The following SLC23A2 variants were observed in gnomAD, a reference collection of about 807,000 sequenced individuals.
SLC23A2 encodes the protein Na(+)/L-ascorbic acid transporter 2.
In SLC23A2, 36 loss-of-function variants were observed where a neutral mutation model predicts 73.3. The observed-to-expected ratio is 0.49, with a 90% CI of 0.38 to 0.65. The LOEUF is 0.65. Among genes scored for constraint, SLC23A2 ranks in the 30% least tolerant of loss-of-function variants. The pLI is 0.00. For synonymous variants in SLC23A2, 343 were observed against 327.3 expected (o/e 1.05, Z -0.52); for missense variants, 507 against 841.6 (o/e 0.60, Z 4.92).
At chr20:4,917,996 A>T (rs942916287) in intron 3 of SLC23A2, among the ~76,000 whole-genome samples, 1 of 152,250 alleles carries the variant, frequency 6.6e-6, no homozygotes, top group Non-Finnish European at 1.5e-5. Context: ...GCAAAATTTA[A>T]TTTTAAAAAT....
intron 2 of SLC23A2, among the ~76,000 whole-genome samples, chr20:4,937,141 G>A (rs901705780): frequency 2.6e-5 from 4 of 152,174 alleles, no homozygotes; most frequent in African/African-American, 4.8e-5. Flanking sequence ...GCGACAACCC[G>A]AGATCAGAGG....
chr20:5,006,789 C>T (rs2088196668), intron 1 of SLC23A2, among the ~76,000 whole-genome samples: 1 of 152,064 alleles, frequency 6.6e-6, no homozygotes, highest in African/African-American at 2.4e-5. Context: ...GAACCACCTG[C>T]CTTGGCCTCC....
At chr20:4,980,433 T>C (rs770228801) in intron 1 of SLC23A2, among the ~76,000 whole-genome samples, 33 of 152,306 alleles carry the variant, frequency 2.2e-4, no homozygotes, top group African/African-American at 7.2e-4. Context: ...CTAAGATACA[T>C]TGCTAAGTAA....
chr20:5,009,919 C>T (rs940457727), intron 1 of SLC23A2, among the ~76,000 whole-genome samples: 7 of 151,948 alleles, frequency 4.6e-5, no homozygotes, highest in African/African-American at 1.7e-4. Context: ...CGTGGTGAAA[C>T]CCCGTCTCTA....
chr20:4,942,893 C>T (rs1293701061), intron 2 of SLC23A2, among the ~76,000 whole-genome samples: 2 of 152,036 alleles, frequency 1.3e-5, no homozygotes, highest in African/African-American at 4.8e-5. Context: ...GAATTAATCA[C>T]TAATAGTCTG....
intron 3 of SLC23A2, among the ~76,000 whole-genome samples, chr20:4,931,168 C>T (rs1163908379): frequency 6.6e-6 from 1 of 150,484 alleles, no homozygotes; most frequent in African/African-American, 2.4e-5. Context: ...ATAAGGAGAC[C>T]CTGTCTCTAC....
In SLC23A2 at chr20:4,947,924, T is replaced by G. The variant is rs1168524583; in HGVS notation, c.-154-15208A>C. 6.6e-6 allele frequency among the ~76,000 whole-genome samples: 1 copy of G among 152,120 alleles called. No homozygotes were observed. The highest frequency in any genetic ancestry group is 1.5e-5 in the Non-Finnish European group (1 of 68,012). ...CCAGATGCCTTTTGTCATTTGATGC[T>G]CCCCCTGGCTCACCCAATACAAAAA... On this transcript the variant is annotated intron_variant, in intron 2 of 16. Transcript: ENST00000338244. The surrounding 1 kb of genome is among the most constrained non-coding windows in gnomAD (Gnocchi z 4.4).
chr20:4,996,699 A>C (rs11087666), intron 1 of SLC23A2, among the ~76,000 whole-genome samples: 43,261 of 141,766 alleles, frequency 0.31, 7,701 homozygotes, highest in Non-Finnish European at 0.38. Context: ...AAAAAAAAAA[A>C]AAAAAAAAAA....
At chr20:4,934,839 G>A (rs2086935939) in intron 2 of SLC23A2, among the ~76,000 whole-genome samples, 1 of 151,638 alleles carries the variant, frequency 6.6e-6, no homozygotes, top group Non-Finnish European at 1.5e-5. Context: ...CTCCAGCCTG[G>A]GCAAAAGAGT....
chr20:4,907,877 A>C (rs1932012279), intron 4 of SLC23A2, among the ~76,000 whole-genome samples: 1 of 152,190 alleles, frequency 6.6e-6, no homozygotes, highest in Admixed American at 6.5e-5. Context: ...TAAAATTCAA[A>C]CAGACATTTA....
rs973128066 is a variant in SLC23A2, at chr20:4,852,427, C to T, written c.*4545G>A. The T allele has an allele frequency of 1.3e-5, 2 of 152,568 alleles. No homozygotes were observed. The highest frequency in any genetic ancestry group is 4.8e-5 in the African/African-American group (2 of 41,434). The allele number at this position is 152,568 out of a possible 1,614,324, so 9.5% of individuals were successfully genotyped here. A position where few individuals can be genotyped will look rare whatever the true frequency, so the allele number is the denominator to read the frequency against. On this transcript the variant is annotated 3_prime_UTR_variant, in exon 17 of 17. Transcript: ENST00000338244. This position sits in a 1 kb window ranked among gnomAD's most constrained non-coding sequence, Gnocchi z 4.3. ...ACAGAATAAAATAGCTTTATCTCTA[C>T]TATTATTCACAACATCTGGTCCAAA... is the stretch of plus-strand genomic sequence containing the variant.
In SLC23A2 at chr20:4,911,964, G is replaced by A. The variant is rs151197211; in HGVS notation, c.207+916C>T. Reference sequence around the variant, plus strand: ...GCTCAAGCAATTCTCCTGCCCCTGAGTAGCTGCTACTATAGGCACACATCA... The same window carrying A: ...GCTCAAGCAATTCTCCTGCCCCTGAATAGCTGCTACTATAGGCACACATCA... On this transcript the variant is annotated intron_variant, in intron 4 of 16. Transcript: ENST00000338244. Among the ~76,000 whole-genome samples the A allele has an allele frequency of 2.0e-5, 3 of 151,604 alleles. No homozygotes were observed. In the East Asian group the frequency reaches 5.8e-4, roughly 29 times the overall value.
At chr20:5,008,814 G>A (rs922031038) in intron 1 of SLC23A2, among the ~76,000 whole-genome samples, 6 of 151,874 alleles carry the variant, frequency 4.0e-5, no homozygotes, top group East Asian at 3.9e-4. Context: ...TGACCCTCCC[G>A]CCTCAGCCTC....
rs183090239 is a variant in SLC23A2 at position 4,862,105 on chromosome 20, A to G, written c.1487-20T>C. On this transcript the variant is annotated intron_variant, in intron 14 of 16. Transcript: ENST00000338244. This position sits in a 1 kb window ranked among gnomAD's most constrained non-coding sequence, Gnocchi z 5.1. Reference sequence around the variant, plus strand: ...TCATTCCTGGAGAAAAACAAACCAGACCACAAGCTCCAGCACCACTACAGC... The same window carrying G: ...TCATTCCTGGAGAAAAACAAACCAGGCCACAAGCTCCAGCACCACTACAGC... 3.1e-6 allele frequency: 5 copies of G among 1,613,542 alleles called. No homozygotes were observed. In the East Asian group the frequency reaches 8.9e-5, roughly 29 times the overall value.
In SLC23A2 at chr20:4,947,297, G is replaced by A. The variant is rs2087133111; in HGVS notation, c.-154-14581C>T. Among the ~76,000 whole-genome samples the A allele has an allele frequency of 6.6e-6, 1 of 152,134 alleles. No homozygotes were observed. Among genetic ancestry groups the A allele is most frequent in the Admixed American group, 6.6e-5 (1 of 15,258 alleles). On this transcript the variant is annotated intron_variant, in intron 2 of 16. Coordinates refer to ENST00000338244, the MANE Select transcript of SLC23A2 (RefSeq NM_005116.6). The surrounding 1 kb of genome is among the most constrained non-coding windows in gnomAD (Gnocchi z 4.4). ...CTGGGACGTGAAAGGGGAAAGGGAG[G>A]GGCAGTATAGCAAAAAGTGCAGCCT...
In SLC23A2 at chr20:4,859,349, G is replaced by A; in HGVS notation, c.1660C>T (p.Leu554Phe). The stretch of plus-strand genomic sequence containing the variant: ...CCCCCTACAAACATAGCAGTTGTGA[G>A]AAGGACGTTCAACACTTGATCGATT... ...TGIDQVLNVL[L>F]TTAMFVGGCV... Residue 554 changes from leucine (L) to phenylalanine (F), a missense_variant, in exon 16 of 17, where the codon CTC (leucine) becomes TTC (phenylalanine). By Grantham distance (22) the Leu-to-Phe change is conservative. Transcript: ENST00000338244. 1 of 1,613,378 alleles carries A rather than the reference G, an allele frequency of 6.2e-7. No homozygotes were observed. The highest frequency in any genetic ancestry group is 8.5e-7 in the Non-Finnish European group (1 of 1,179,388).
chr20:4,917,083 T>A (rs1932351793), intron 3 of SLC23A2, among the ~76,000 whole-genome samples: 1 of 152,186 alleles, frequency 6.6e-6, no homozygotes, highest in African/African-American at 2.4e-5. Context: ...GAGAATGCAG[T>A]CCTGCCTCCC....
At chr20:4,882,763 G>A (rs1206810241) in intron 9 of SLC23A2, among the ~76,000 whole-genome samples, 1 of 152,216 alleles carries the variant, frequency 6.6e-6, no homozygotes, top group Non-Finnish European at 1.5e-5. Context: ...AAGGACTGAT[G>A]CATAGTAAAA....
chr20:4,953,475 GGTTT>G (rs2087234573), intron 2 of SLC23A2, among the ~76,000 whole-genome samples: 1 of 151,916 alleles, frequency 6.6e-6, no homozygotes, highest in Non-Finnish European at 1.5e-5. Context: ...AGAGAAACGA[GGTTT>G]TTTTTTATGT....
Sources: allele counts gnomAD v4.1 joint callset (sites outside exome capture counted in the v4.1 genomes callset), GRCh38; gene constraint gnomAD v4.1.1; non-coding constraint Gnocchi (gnomAD v3.1); transcripts MANE v1.5; gene names NCBI Gene and HGNC (gene_info 2026-07-23, HGNC 2026-07-21).